USH2A: variants seen among roughly 807,000 people sequenced by gnomAD.
USH2A encodes the protein Usher syndrome 2A (autosomal recessive, mild).
In USH2A, 443 loss-of-function variants were observed where a neutral mutation model predicts 538.9. That is an observed-to-expected ratio of 0.82 (90% CI 0.76 to 0.89). The LOEUF (loss-of-function observed/expected upper bound fraction) is 0.89. USH2A is among the 40% of genes least tolerant of loss of function. USH2A has a pLI of 0.00. For missense variants in USH2A, 6,633 were observed against 6,324.8 expected, an observed-to-expected ratio of 1.05 and a Z score of -1.65; for synonymous variants, 2,413 against 2,273.5, an observed-to-expected ratio of 1.06 and a Z score of -1.75.
chr1:215,889,328 A>G (rs187661208), intron 40 of USH2A, among the ~76,000 whole-genome samples: 6 of 152,300 alleles, frequency 3.9e-5, no homozygotes, highest in African/African-American at 1.4e-4. Flanking sequence ...TATTCAAGCC[A>G]TTGGTTAAAA....
intron 41 of USH2A, among the ~76,000 whole-genome samples, chr1:215,882,807 T>A (rs1382936230): frequency 6.6e-6 from 1 of 152,208 alleles, no homozygotes; most frequent in Non-Finnish European, 1.5e-5. Flanking sequence ...ATAATATTCC[T>A]TTCATGGTTG....
At chr1:215,689,707 G>A (rs950576191) in intron 61 of USH2A, among the ~76,000 whole-genome samples, 8 of 152,174 alleles carry the variant, frequency 5.3e-5, no homozygotes, top group African/African-American at 1.9e-4. Flanking sequence ...TAGGACATGA[G>A]GGCCAACAGC....
rs368500750 is a variant in USH2A at position 215,638,534 on chromosome 1, C to T, written c.15052+621G>A. Among the ~76,000 whole-genome samples, 4 of 150,418 alleles carry T rather than the reference C, an allele frequency of 2.7e-5. No individual in the cohort carries two copies. The South Asian group carries it at 6.3e-4, about 24-fold the overall frequency. On this transcript the variant is annotated intron_variant, in intron 69 of 71. Coordinates refer to ENST00000307340, the MANE Select transcript of USH2A (RefSeq NM_206933.4). ...ACTCAGGAGGCTGAGGCAGGAGAATCGCTTGAACCTGGAGCTAGAGGCTGC... is the reference window on the plus strand; with the variant it reads ...ACTCAGGAGGCTGAGGCAGGAGAATTGCTTGAACCTGGAGCTAGAGGCTGC...
intron 30 of USH2A, 91 bp downstream of exon 30, chr1:216,070,010 T>C: frequency 6.9e-7 from 1 of 1,458,262 alleles, no homozygotes; most frequent in South Asian, 1.2e-5. Flanking sequence ...TTTAATACAT[T>C]TTTCTAAAAA....
intron 25 of USH2A, 62 bp from the exon 26 acceptor site, chr1:216,083,648 G>T: frequency 1.3e-6 from 2 of 1,560,040 alleles, no homozygotes; most frequent in South Asian, 2.3e-5. Context: ...GCATTGTAAG[G>T]GTGCTAAGAA....
At chr1:215,747,801 AC>A (rs1419145358) in intron 58 of USH2A, among the ~76,000 whole-genome samples, 1 of 151,438 alleles carries the variant, frequency 6.6e-6, no homozygotes, top group African/African-American at 2.4e-5. Context: ...CCCTATTGTT[AC>A]CCTGCCATAA....
At chr1:215,875,733 T>G (rs1223471197) in intron 43 of USH2A, among the ~76,000 whole-genome samples, 5 of 151,710 alleles carry the variant, frequency 3.3e-5, no homozygotes, top group African/African-American at 4.8e-5. Context: ...TCAAGTTCTA[T>G]TTATTTTTTG....
At chr1:215,773,492 GTCTCTCTCTCTCTCTCTCTGTC>G (rs1325485915) in intron 55 of USH2A, among the ~76,000 whole-genome samples, 1 of 84,438 alleles carries the variant, frequency 1.2e-5, no homozygotes, top group African/African-American at 6.6e-5. Context: ...CTGTCTCTCT[GTCTCTCTCTCTCTCTCTCTGTC>G]TCTCTCTCTC....
Position 215,878,778 on chromosome 1 carries a change from A to T in USH2A, c.8544T>A (p.Asn2848Lys), listed in dbSNP as rs1349320983. 6.2e-7 allele frequency: 1 copy of T among 1,613,906 alleles called. No individual in the cohort carries two copies. Among genetic ancestry groups the T allele is most frequent in the South Asian group, 1.1e-5 (1 of 91,082 alleles). ...CCTTCTCTTACCTCAAATTAGGTCC[A>T]TTTGGCTTGGATGGTGGTTGCCAAG... ...VISWQPPSKP[N>K]GPNLRYELLR... The change falls in exon 42 of 72, where the codon AAT (asparagine) becomes AAA (lysine). Residue 2848 changes from asparagine to lysine, a missense_variant. By Grantham distance (94) the Asn-to-Lys change is moderately conservative (BLOSUM62 0). Coordinates refer to ENST00000307340, the MANE Select transcript of USH2A (RefSeq NM_206933.4).
intron 4 of USH2A, among the ~76,000 whole-genome samples, chr1:216,350,716 T>C (rs1319048837): frequency 6.6e-6 from 1 of 152,076 alleles, no homozygotes; most frequent in Non-Finnish European, 1.5e-5. Flanking sequence ...CAGTGGCTGC[T>C]CTCATATGCT....
intron 32 of USH2A, among the ~76,000 whole-genome samples, chr1:216,012,018 C>T (rs1407638512): frequency 1.5e-5 from 1 of 67,716 alleles, no homozygotes; most frequent in African/African-American, 4.8e-5. Context: ...CTCGCTCTGT[C>T]GCCCAGGCCG....
chr1:215,654,047 TG>T (rs1657163531), intron 64 of USH2A, among the ~76,000 whole-genome samples: 1 of 152,130 alleles, frequency 6.6e-6, no homozygotes, highest in South Asian at 2.1e-4. Context: ...GAGTTATTAT[TG>T]GGGAAGAAAA....
intron 38 of USH2A, among the ~76,000 whole-genome samples, chr1:215,931,384 A>C (rs647908): frequency 0.83 from 125,479 of 151,824 alleles, 51,976 homozygotes; most frequent in Admixed American, 0.84. Context: ...TTTCCAAATT[A>C]CTATCTAAAC....
intron 22 of USH2A, among the ~76,000 whole-genome samples, chr1:216,093,334 G>A (rs1217715524): frequency 6.6e-6 from 1 of 152,198 alleles, no homozygotes; most frequent in Non-Finnish European, 1.5e-5. Context: ...TGGCTATACA[G>A]GGTAGGGACA....
chr1:215,746,879 G>A (rs922242756), intron 58 of USH2A, among the ~76,000 whole-genome samples: 1 of 152,056 alleles, frequency 6.6e-6, no homozygotes, highest in Non-Finnish European at 1.5e-5. Context: ...GGAAAATTTG[G>A]GAAACACAGG....
At chr1:216,090,025 A>G (rs1255179020) in intron 22 of USH2A, among the ~76,000 whole-genome samples, 1 of 152,012 alleles carries the variant, frequency 6.6e-6, no homozygotes, top group Admixed American at 6.6e-5. Context: ...TAAAAAAGAA[A>G]TTACAACTTC....
At chr1:216,081,063 C>A (rs148205804) in intron 26 of USH2A, among the ~76,000 whole-genome samples, 2 of 152,104 alleles carry the variant, frequency 1.3e-5, no homozygotes, top group African/African-American at 4.8e-5. Context: ...AAAACAAGTT[C>A]TCATACCCGT....
rs138999887 is a variant in USH2A at position 215,930,977 on chromosome 1, G to C, written c.7300+3639C>G. 5.9e-5 allele frequency among the ~76,000 whole-genome samples: 9 copies of C among 151,806 alleles called. 1 individual carries two copies. Among genetic ancestry groups the C allele is most frequent in the South Asian group, 4.2e-4 (2 of 4,786 alleles). On this transcript the variant is annotated intron_variant, in intron 38 of 71. Coordinates refer to ENST00000307340, the MANE Select transcript of USH2A (RefSeq NM_206933.4). ...CCAAGAATACCTTAGTGCTAAATAT[G>C]AGCATTATGTTATTACAAACAACCT...
chr1:215,925,194 T>G (rs1666206974), intron 38 of USH2A, among the ~76,000 whole-genome samples: 1 of 152,058 alleles, frequency 6.6e-6, no homozygotes, highest in Admixed American at 6.6e-5. Context: ...AAGGTAACAC[T>G]TTTCAGGAAA....
Sources: allele counts gnomAD v4.1 joint callset (sites outside exome capture counted in the v4.1 genomes callset), GRCh38; gene constraint gnomAD v4.1.1; transcripts MANE v1.5; gene names NCBI Gene and HGNC (gene_info 2026-07-23, HGNC 2026-07-21).